RANBP17: variants seen among roughly 807,000 people sequenced by gnomAD.
RANBP17 encodes ran-binding protein 17.
Under a neutral mutation model 141.2 loss-of-function variants are expected in RANBP17, and 158 were observed. The ratio of observed to expected loss-of-function variants is 1.12; its 90% CI spans 0.98 to 1.28. The LOEUF (loss-of-function observed/expected upper bound fraction) is 1.28. Ranked by LOEUF, RANBP17 falls within the 50% of genes most tolerant of loss-of-function variation. RANBP17 has a pLI of 0.00. For synonymous variants in RANBP17, 430 were observed against 450.0 expected, an observed-to-expected ratio of 0.96 and a Z score of 0.56; for missense variants, 1,438 against 1,290.7, an observed-to-expected ratio of 1.11 and a Z score of -1.75.
chr5:171,198,701 A>G (rs912966762), intron 18 of RANBP17, among the ~76,000 whole-genome samples: 9 of 152,290 alleles, frequency 5.9e-5, no homozygotes, highest in African/African-American at 1.9e-4. Context: ...AACTTTGAGG[A>G]CCTTCTCTGA....
chr5:171,002,323 C>T (rs1297433688), intron 14 of RANBP17, among the ~76,000 whole-genome samples: 1 of 151,660 alleles, frequency 6.6e-6, no homozygotes, highest in Admixed American at 6.6e-5. Context: ...GGAAAACTGG[C>T]CGTGAGGGAC....
chr5:171,298,970 C>G lies in RANBP17; in HGVS notation c.*112C>G. ...AGGGGAATGTATTTTTCAAAACATA[C>G]AAGCAACAGCAAAAGCCCTAACTTC... is the stretch of plus-strand genomic sequence containing the variant. On this transcript the variant is annotated 3_prime_UTR_variant, in exon 28 of 28. Transcript: ENST00000523189. 1.5e-6 allele frequency: 1 copy of G among 681,348 alleles called. No individual in the cohort carries two copies. Among genetic ancestry groups the G allele is most frequent in the Non-Finnish European group, 2.5e-6 (1 of 401,096 alleles). 42.2% of individuals were successfully genotyped at this position (681,348 alleles called of 1,614,324 possible).
chr5:171,198,446 G>T (rs1276065179), intron 18 of RANBP17, among the ~76,000 whole-genome samples: 1 of 152,214 alleles, frequency 6.6e-6, no homozygotes, highest in East Asian at 1.9e-4. Flanking sequence ...AGCCAGATCA[G>T]CCACTCCTTA....
intron 14 of RANBP17, among the ~76,000 whole-genome samples, chr5:171,008,470 C>T (rs1457161021): frequency 6.6e-6 from 1 of 152,122 alleles, no homozygotes; most frequent in South Asian, 2.1e-4. Flanking sequence ...AGCAACAAGA[C>T]TGTTTATTTC....
chr5:171,164,429 T>G (rs75085329), intron 14 of RANBP17, among the ~76,000 whole-genome samples: 1,582 of 152,312 alleles, frequency 0.01, 23 homozygotes, highest in African/African-American at 0.037. Context: ...CATCTGTTTT[T>G]CTTACCTAGT....
chr5:170,952,194 T>A (rs1775266813), intron 12 of RANBP17, among the ~76,000 whole-genome samples: 1 of 152,044 alleles, frequency 6.6e-6, no homozygotes, highest in Non-Finnish European at 1.5e-5. Flanking sequence ...CTGAAATTCA[T>A]AAGGTAACTT....
At chr5:171,135,204 C>T (rs1191652636) in intron 14 of RANBP17, among the ~76,000 whole-genome samples, 4 of 147,434 alleles carry the variant, frequency 2.7e-5, no homozygotes, top group Non-Finnish European at 4.5e-5. Context: ...CAGTTGAACC[C>T]AGGAGGTGCA....
At chr5:170,973,630 T>C (rs1777147911) in intron 14 of RANBP17, among the ~76,000 whole-genome samples, 1 of 122,988 alleles carries the variant, frequency 8.1e-6, no homozygotes, top group Non-Finnish European at 1.8e-5. Context: ...CCAAAATACA[T>C]GAATAAACAC....
chr5:171,144,548 CCTCTTTCACTTATTGATGGCTG>C (rs1367107645), intron 14 of RANBP17, among the ~76,000 whole-genome samples: 2 of 152,132 alleles, frequency 1.3e-5, no homozygotes, highest in African/African-American at 4.8e-5. Flanking sequence ...AGCCATCTTG[CCTCTTTCACTTATTGATGGCTG>C]CGAATGGTGC....
At chr5:171,174,793 T>TGC (rs57164729) in intron 16 of RANBP17, among the ~76,000 whole-genome samples, 18 of 150,312 alleles carry the variant, frequency 1.2e-4, no homozygotes, top group African/African-American at 4.4e-4. Flanking sequence ...TGTGTGTGTG[T>TGC]ATTTTGAGGT....
chr5:170,941,009 T>G (rs942688974), intron 12 of RANBP17, among the ~76,000 whole-genome samples: 6 of 151,806 alleles, frequency 4.0e-5, no homozygotes, highest in Non-Finnish European at 5.9e-5. Context: ...ATTTAAAACA[T>G]ATACTTGTAA....
chr5:170,896,633 C>T (rs1288702646), intron 5 of RANBP17, among the ~76,000 whole-genome samples: 3 of 152,082 alleles, frequency 2.0e-5, no homozygotes, highest in Non-Finnish European at 1.5e-5. Context: ...AATTCGAGAC[C>T]AGCCTGGCCA....
chr5:171,111,015 C>T (rs1755186499), intron 14 of RANBP17, among the ~76,000 whole-genome samples: 1 of 151,876 alleles, frequency 6.6e-6, no homozygotes, highest in South Asian at 2.1e-4. Context: ...TCCCCTCTCC[C>T]CCCACCCCAC....
chr5:170,971,386 G>A (rs113215424), intron 14 of RANBP17, among the ~76,000 whole-genome samples: 3 of 152,236 alleles, frequency 2.0e-5, no homozygotes, highest in African/African-American at 4.8e-5. Context: ...TGAAAATAGC[G>A]ATTTTGTTAA....
chr5:170,977,658 C>A (rs757677091), intron 14 of RANBP17, among the ~76,000 whole-genome samples: 1 of 151,920 alleles, frequency 6.6e-6, no homozygotes. Context: ...TGTTATTCAG[C>A]CATAAAAAGG....
At position 171,171,266 on chromosome 5, in the gene RANBP17, C is replaced by G; in HGVS notation, c.1845C>G (p.Phe615Leu). ...CTGTAATTTCAAGGACTCTTCAGTTCCTAAATGACCTTTCTGTTGGATATC... is the reference window on the plus strand; with the variant it reads ...CTGTAATTTCAAGGACTCTTCAGTTGCTAAATGACCTTTCTGTTGGATATC... The part of the protein sequence containing the change: ...YEPVISRTLQ[F>L]LNDLSVGYIL... Residue 615 changes from phenylalanine to leucine, a missense_variant, in exon 16 of 28, where the codon TTC becomes TTG. Transcript: ENST00000523189. 1 of 1,589,954 alleles carries G rather than the reference C, an allele frequency of 6.3e-7. No homozygotes were observed. The highest frequency in any genetic ancestry group is 8.6e-7 in the Non-Finnish European group (1 of 1,161,928).
At chr5:171,108,935 A>C (rs1055907695) in intron 14 of RANBP17, among the ~76,000 whole-genome samples, 2 of 152,160 alleles carry the variant, frequency 1.3e-5, no homozygotes, top group Non-Finnish European at 2.9e-5. Flanking sequence ...CAATATACCA[A>C]TGGACAGAAT....
intron 14 of RANBP17, among the ~76,000 whole-genome samples, chr5:171,157,232 G>A (rs928737101): frequency 1.3e-5 from 2 of 152,114 alleles, no homozygotes; most frequent in South Asian, 4.1e-4. Context: ...ATAATTTTCA[G>A]CTTGCTTCTC....
chr5:171,241,612 G>A lies in RANBP17; in HGVS notation c.2637+470G>A, dbSNP rs191732664. ...GTAGTAGAATGGAATGATCATTGAA[G>A]GATATGTCTGTTAGACAGAAATTAC... is the stretch of plus-strand genomic sequence containing the variant. On this transcript the variant is annotated intron_variant, in intron 23 of 27. Transcript: ENST00000523189. 1.8e-3 allele frequency among the ~76,000 whole-genome samples: 272 copies of A among 152,268 alleles called. 2 individuals carry two copies. The highest frequency in any genetic ancestry group is 6.4e-3 in the African/African-American group (264 of 41,550).
Sources: gnomAD v4.1 joint callset for allele counts (sites outside exome capture counted in the v4.1 genomes callset) on GRCh38, gnomAD v4.1.1 for gene constraint, MANE v1.5 for transcripts, NCBI Gene and HGNC (gene_info 2026-07-23, HGNC 2026-07-21) for gene names.